The following ESRRB variants were observed in gnomAD, a reference collection of about 807,000 sequenced individuals.
The protein encoded by ESRRB is estrogen related receptor beta.
Under a neutral mutation model 46.0 loss-of-function variants are expected in ESRRB, and 16 were observed. The observed-to-expected ratio is 0.35, with a 90% CI of 0.24 to 0.53. The LOEUF (loss-of-function observed/expected upper bound fraction) is 0.53, where lower values mean the gene tolerates loss of function less well. Among genes scored for constraint, ESRRB ranks in the 20% least tolerant of loss-of-function variants. The pLI, the probability that ESRRB is intolerant of heterozygous loss-of-function variation, is 0.93. For missense variants in ESRRB, 488 were observed against 607.4 expected, an observed-to-expected ratio of 0.80 and a Z score of 2.07; for synonymous variants, 246 against 259.6, an observed-to-expected ratio of 0.95 and a Z score of 0.50.
intron 2 of ESRRB, among the ~76,000 whole-genome samples, chr14:76,457,620 G>A (rs1888669587): frequency 6.6e-6 from 1 of 152,196 alleles, no homozygotes; most frequent in Non-Finnish European, 1.5e-5. Flanking sequence ...GTTTGCCAGT[G>A]CCTGCACTTC....
chr14:76,322,738 C>T (rs1047260359), intron 1 of ESRRB, among the ~76,000 whole-genome samples: 3 of 152,156 alleles, frequency 2.0e-5, no homozygotes, highest in African/African-American at 7.2e-5. Context: ...GGGAGTGAGA[C>T]GTGGGCAGTG....
At chr14:76,352,538 T>C (rs1163337280) in intron 1 of ESRRB, among the ~76,000 whole-genome samples, 1 of 152,164 alleles carries the variant, frequency 6.6e-6, no homozygotes, top group Non-Finnish European at 1.5e-5. Context: ...AGGGCACCGG[T>C]TGGGGGCACA....
chr14:76,311,025 G>GATAAAA, intron 1 of ESRRB: 2 of 316,382 alleles, frequency 6.3e-6, no homozygotes, highest in South Asian at 4.0e-5. Flanking sequence ...TCTCTCAATG[G>GATAAAA]ATAAAAATAT....
At chr14:76,427,002 C>T (rs1021874846) in intron 1 of ESRRB, among the ~76,000 whole-genome samples, 2 of 152,214 alleles carry the variant, frequency 1.3e-5, no homozygotes, top group Non-Finnish European at 2.9e-5. Context: ...AGGCCATGCT[C>T]GTTCACCTGA....
chr14:76,386,009 G>A (rs1365739028), intron 1 of ESRRB, among the ~76,000 whole-genome samples: 1 of 152,156 alleles, frequency 6.6e-6, no homozygotes, highest in Non-Finnish European at 1.5e-5. Flanking sequence ...ATTTTTTGAT[G>A]TTATCTTTGG....
At chr14:76,377,565 C>G (rs1884827127) in intron 1 of ESRRB, among the ~76,000 whole-genome samples, 1 of 152,210 alleles carries the variant, frequency 6.6e-6, no homozygotes, top group African/African-American at 2.4e-5. Context: ...TCCTGCTTAA[C>G]TTTGTGCTCG....
intron 6 of ESRRB, among the ~76,000 whole-genome samples, chr14:76,494,468 G>A (rs575492739): frequency 5.9e-5 from 9 of 151,962 alleles, no homozygotes; most frequent in East Asian, 3.9e-4. Context: ...CACCACGCCC[G>A]GCTAATTTTT....
intron 3 of ESRRB, among the ~76,000 whole-genome samples, chr14:76,467,932 C>T (rs1342612439): frequency 6.6e-6 from 1 of 152,140 alleles, no homozygotes; most frequent in East Asian, 1.9e-4. Flanking sequence ...CCACTCAGCC[C>T]CTGCCTGCCT....
intron 1 of ESRRB, among the ~76,000 whole-genome samples, chr14:76,433,424 A>G (rs548347939): frequency 1.1e-4 from 16 of 152,256 alleles, no homozygotes; most frequent in African/African-American, 3.9e-4. Context: ...GCCAACTGGG[A>G]GGTATCGATA....
intron 1 of ESRRB, chr14:76,404,509 A>G (rs978053130): frequency 2.0e-5 from 3 of 152,504 alleles, no homozygotes; most frequent in African/African-American, 4.8e-5. Context: ...ATGGGCTGTG[A>G]TCTCTTAGCT....
chr14:76,370,232 A>AG (rs1459275753), upstream of ESRRB, among the ~76,000 whole-genome samples: 2 of 151,662 alleles, frequency 1.3e-5, no homozygotes, highest in East Asian at 3.9e-4. Flanking sequence ...TGCTAAAAAA[A>AG]AAAAAAAACA....
chr14:76,431,603 G>A (rs1887449131), intron 1 of ESRRB, among the ~76,000 whole-genome samples: 1 of 152,166 alleles, frequency 6.6e-6, no homozygotes, highest in African/African-American at 2.4e-5. Flanking sequence ...GGGGCACGAG[G>A]GAGGCCACGT....
At chr14:76,431,371 T>A (rs1887436213) in intron 1 of ESRRB, among the ~76,000 whole-genome samples, 1 of 152,204 alleles carries the variant, frequency 6.6e-6, no homozygotes, top group Non-Finnish European at 1.5e-5. Context: ...TCTAGAAGTC[T>A]AAGGCAAAAT....
chr14:76,356,241 C>G (rs916867376), intron 1 of ESRRB, among the ~76,000 whole-genome samples: 1 of 152,216 alleles, frequency 6.6e-6, no homozygotes, highest in African/African-American at 2.4e-5. Flanking sequence ...CCTCCTTACC[C>G]TTTCTCTGCC....
At chr14:76,381,094 G>A (rs1884994727) in intron 1 of ESRRB, among the ~76,000 whole-genome samples, 1 of 152,178 alleles carries the variant, frequency 6.6e-6, no homozygotes, top group African/African-American at 2.4e-5. Flanking sequence ...TTCCCTCAGA[G>A]GAGAGGCCCA....
At chr14:76,408,286 A>G (rs1234048363) in intron 1 of ESRRB, among the ~76,000 whole-genome samples, 1 of 152,166 alleles carries the variant, frequency 6.6e-6, no homozygotes, top group Admixed American at 6.5e-5. Flanking sequence ...TAACTGTTAA[A>G]TGATGTCCCA....
At position 76,392,993 on chromosome 14, in the gene ESRRB, C is replaced by T. The variant is rs571855351; in HGVS notation, c.50+16542C>T. Among the ~76,000 whole-genome samples the T allele has an allele frequency of 5.9e-5, 9 of 152,316 alleles. No homozygotes were observed. The South Asian group carries it at 1.0e-3, about 18-fold the overall frequency. On this transcript the variant is annotated intron_variant, in intron 1 of 6. Coordinates refer to ENST00000644823, the MANE Select transcript of ESRRB (RefSeq NM_001379180.1). ...GGCCAGCCCTGGGAGGGCCTCTGTG[C>T]GGGCATGTGGGGCAGGGAGGCACTG...
intron 1 of ESRRB, among the ~76,000 whole-genome samples, chr14:76,409,827 G>A (rs1886356920): frequency 1.3e-5 from 2 of 152,132 alleles, no homozygotes; most frequent in African/African-American, 4.8e-5. Flanking sequence ...ATGAAGAAGG[G>A]AAGGGTTTTC....
At chr14:76,354,202 T>C (rs1884347791) in intron 1 of ESRRB, among the ~76,000 whole-genome samples, 1 of 136,112 alleles carries the variant, frequency 7.3e-6, no homozygotes, top group Non-Finnish European at 1.5e-5. Flanking sequence ...AGCCCTTCCT[T>C]GGCCCCCAGG....
Sources: gnomAD v4.1 joint callset for allele counts (sites outside exome capture counted in the v4.1 genomes callset) on GRCh38, gnomAD v4.1.1 for gene constraint, MANE v1.5 for transcripts, NCBI Gene and HGNC (gene_info 2026-07-23, HGNC 2026-07-21) for gene names.